The following DNAJC15 variants were observed in gnomAD, a reference collection of about 807,000 sequenced individuals.
The protein encoded by DNAJC15 is dnaJ homolog subfamily C member 15.
In DNAJC15, 27 loss-of-function variants were observed where a neutral mutation model predicts 22.4. That is an observed-to-expected ratio of 1.20 (90% CI 0.89 to 1.66). DNAJC15 has a LOEUF of 1.66. Ranked by LOEUF, DNAJC15 falls within the 40% of genes most tolerant of loss-of-function variation. The pLI is 0.00. For synonymous variants in DNAJC15, 79 were observed against 63.2 expected (o/e 1.25, Z -1.19); for missense variants, 208 against 187.1 (o/e 1.11, Z -0.65).
At chr13:43,071,676 G>T (rs1051232772) in intron 3 of DNAJC15, among the ~76,000 whole-genome samples, 1 of 152,104 alleles carries the variant, frequency 6.6e-6, no homozygotes, top group Non-Finnish European at 1.5e-5. Context: ...GAACCAAATA[G>T]GGTTACTAAA....
intron 5 of DNAJC15, among the ~76,000 whole-genome samples, chr13:43,106,968 CAG>C (rs1566219629): frequency 1.3e-5 from 2 of 151,786 alleles, no homozygotes; most frequent in African/African-American, 2.4e-5. Context: ...TCATTTTTCT[CAG>C]AGGTTTTTTT....
chr13:43,029,678 G>A (rs2040395928), intron 1 of DNAJC15, among the ~76,000 whole-genome samples: 1 of 151,884 alleles, frequency 6.6e-6, no homozygotes, highest in African/African-American at 2.4e-5. Context: ...GGTTTTTTTA[G>A]TGGATATTTG....
At chr13:43,097,727 C>T (rs1042098823) in intron 5 of DNAJC15, among the ~76,000 whole-genome samples, 3 of 152,056 alleles carry the variant, frequency 2.0e-5, no homozygotes, top group East Asian at 3.9e-4. Flanking sequence ...CACCTGAGGT[C>T]GGGAGTTCGA....
intron 4 of DNAJC15, among the ~76,000 whole-genome samples, chr13:43,079,747 T>C (rs2040653038): frequency 6.6e-6 from 1 of 152,186 alleles, no homozygotes; most frequent in Admixed American, 6.5e-5. Flanking sequence ...TTTTTGAGGA[T>C]ATCCTTTAAT....
intron 5 of DNAJC15, among the ~76,000 whole-genome samples, chr13:43,104,693 CTTT>C (rs67240740): frequency 1.5e-5 from 2 of 136,604 alleles, no homozygotes; most frequent in Non-Finnish European, 1.6e-5. Flanking sequence ...CTTTTCTTTT[CTTT>C]TTTTTTTTTT....
chr13:43,070,782 A>G (rs1453496852), intron 3 of DNAJC15, among the ~76,000 whole-genome samples: 1 of 152,146 alleles, frequency 6.6e-6, no homozygotes, highest in Non-Finnish European at 1.5e-5. Flanking sequence ...AAAACTTCAA[A>G]TTTTACCTTA....
At chr13:43,106,218 A>G (rs1012052246) in intron 5 of DNAJC15, among the ~76,000 whole-genome samples, 6 of 152,134 alleles carry the variant, frequency 3.9e-5, no homozygotes, top group African/African-American at 1.4e-4. Context: ...CAGCAGCTAT[A>G]GATGGTTTGC....
chr13:43,054,452 C>T (rs955890565), intron 1 of DNAJC15, among the ~76,000 whole-genome samples: 1 of 152,076 alleles, frequency 6.6e-6, no homozygotes, highest in East Asian at 1.9e-4. Context: ...CCCTGTTTAT[C>T]TTTTGGAATA....
At chr13:43,094,438 C>T (rs1200542951) in intron 5 of DNAJC15, among the ~76,000 whole-genome samples, 1 of 152,190 alleles carries the variant, frequency 6.6e-6, no homozygotes, top group Admixed American at 6.5e-5. Context: ...CGAAGCCCTC[C>T]AGTTGATTCT....
chr13:43,054,468 A>C (rs1376960510), intron 1 of DNAJC15, among the ~76,000 whole-genome samples: 1 of 152,204 alleles, frequency 6.6e-6, no homozygotes, highest in Non-Finnish European at 1.5e-5. Context: ...GAATATTTTC[A>C]ATAGGATTGG....
At chr13:43,094,684 A>C (rs915725912) in intron 5 of DNAJC15, among the ~76,000 whole-genome samples, 3 of 152,226 alleles carry the variant, frequency 2.0e-5, no homozygotes, top group Admixed American at 1.3e-4. Context: ...AGAGGGAAAA[A>C]TCAGCTGTGT....
chr13:43,099,492 A>T (rs1268021766), intron 5 of DNAJC15, among the ~76,000 whole-genome samples: 1 of 152,338 alleles, frequency 6.6e-6, no homozygotes, highest in South Asian at 2.1e-4. Flanking sequence ...GTCTTCGCTC[A>T]TTCAATCTGT....
intron 5 of DNAJC15, among the ~76,000 whole-genome samples, chr13:43,087,628 T>C (rs1472699477): frequency 6.6e-6 from 1 of 152,200 alleles, no homozygotes; most frequent in East Asian, 1.9e-4. Flanking sequence ...TAGTTGGAAA[T>C]ACTTAAATCT....
chr13:43,028,004 A>T (rs2040388265), intron 1 of DNAJC15, among the ~76,000 whole-genome samples: 1 of 152,176 alleles, frequency 6.6e-6, no homozygotes, highest in Admixed American at 6.5e-5. Context: ...GGAGGCTAGA[A>T]TGTTAAGTTT....
chr13:43,065,711 T>C lies in DNAJC15; in HGVS notation c.134T>C (p.Leu45Pro), dbSNP rs1019994226. ...RLVRSLIAVG[L>P]GVAALAFAGR... Reference sequence around the variant, plus strand: ...GTAAGAAGTTTGATAGCTGTAGGACTGGGTGTTGCAGCTCTTGCATTTGCA... The same window carrying C: ...GTAAGAAGTTTGATAGCTGTAGGACCGGGTGTTGCAGCTCTTGCATTTGCA... The change falls in exon 2 of 6, where the codon CTG becomes CCG. Residue 45 changes from leucine to proline, a missense_variant. Transcript: ENST00000379221. The C allele has an allele frequency of 6.2e-7, 1 of 1,613,194 alleles. No homozygotes were observed. The highest frequency in any genetic ancestry group is 1.3e-5 in the African/African-American group (1 of 74,930).
intron 5 of DNAJC15, among the ~76,000 whole-genome samples, chr13:43,100,687 A>G (rs61672313): frequency 0.017 from 2,547 of 152,242 alleles, 83 homozygotes; most frequent in East Asian, 0.1. Context: ...GTGGCCTATT[A>G]TATGCTCTGT....
At chr13:43,049,130 C>G (rs973700645) in intron 1 of DNAJC15, among the ~76,000 whole-genome samples, 1 of 151,984 alleles carries the variant, frequency 6.6e-6, no homozygotes, top group Non-Finnish European at 1.5e-5. Context: ...CCAATTTTTC[C>G]TAAGTCAAAG....
At chr13:43,101,101 CT>C (rs939048197) in intron 5 of DNAJC15, among the ~76,000 whole-genome samples, 14 of 152,220 alleles carry the variant, frequency 9.2e-5, no homozygotes. Flanking sequence ...CAGGATATGT[CT>C]TTTTCCATCC....
At chr13:43,032,279 A>G (rs1281935069) in intron 1 of DNAJC15, among the ~76,000 whole-genome samples, 1 of 152,244 alleles carries the variant, frequency 6.6e-6, no homozygotes, top group Non-Finnish European at 1.5e-5. Context: ...AACAGAGAAT[A>G]GCCCAGGAAT....
Sources: allele counts gnomAD v4.1 joint callset (sites outside exome capture counted in the v4.1 genomes callset), GRCh38; gene constraint gnomAD v4.1.1; transcripts MANE v1.5; gene names NCBI Gene and HGNC (gene_info 2026-07-23, HGNC 2026-07-21).